TAS2R1: variants seen among roughly 807,000 people sequenced by gnomAD.
TAS2R1 encodes the protein taste receptor type 2 member 1.
For synonymous variants in TAS2R1, 141 were observed against 134.2 expected (o/e 1.05, Z -0.35); for missense variants, 370 against 353.4 (o/e 1.05, Z -0.38).
At chr5:9,831,559 C>T in the TAS2R1 span, among the ~76,000 whole-genome samples, 2 of 151,010 alleles carry the variant, frequency 1.3e-5, no homozygotes, top group African/African-American at 2.4e-5. Context: ...GATGCAATTA[C>T]GTTTTTGTTT....
At chr5:9,647,097 A>T (rs1182517597) in intron 2 of TAS2R1, among the ~76,000 whole-genome samples, 3 of 152,146 alleles carry the variant, frequency 2.0e-5, no homozygotes, top group Non-Finnish European at 4.4e-5. Context: ...AGAGGAAATG[A>T]AAAACCATGA....
the TAS2R1 span, among the ~76,000 whole-genome samples, chr5:9,838,384 C>T: frequency 3.9e-3 from 590 of 152,104 alleles, 2 homozygotes; most frequent in Non-Finnish European, 5.6e-3. Flanking sequence ...AATGAAGGAG[C>T]GAATAGAATA....
At chr5:9,852,852 A>ATATAT in the TAS2R1 span, among the ~76,000 whole-genome samples, 6 of 151,164 alleles carry the variant, frequency 4.0e-5, no homozygotes, top group African/African-American at 1.2e-4. Context: ...GAAAAAAAAA[A>ATATAT]ATATATATAT....
chr5:9,814,372 A>C, the TAS2R1 span, among the ~76,000 whole-genome samples: 1 of 152,350 alleles, frequency 6.6e-6, no homozygotes, highest in East Asian at 1.9e-4. Flanking sequence ...CATGGCAAGA[A>C]TGTTCTCTTA....
At chr5:9,717,410 C>T in the TAS2R1 span, among the ~76,000 whole-genome samples, 32 of 152,066 alleles carry the variant, frequency 2.1e-4, no homozygotes, top group East Asian at 2.9e-3. Context: ...TTGGAGGTCT[C>T]GGTGTTATCA....
chr5:9,887,305 T>C, the TAS2R1 span, among the ~76,000 whole-genome samples: 4 of 152,220 alleles, frequency 2.6e-5, no homozygotes, highest in Non-Finnish European at 5.9e-5. Flanking sequence ...TACAACCATA[T>C]TAGTGCAAAG....
the TAS2R1 span, among the ~76,000 whole-genome samples, chr5:9,719,943 A>T: frequency 2.7e-5 from 4 of 149,320 alleles, no homozygotes; most frequent in Admixed American, 6.6e-5. Context: ...AAAAAACAAA[A>T]ACAAAAACAA....
chr5:9,847,009 T>C, the TAS2R1 span, among the ~76,000 whole-genome samples: 146 of 152,320 alleles, frequency 9.6e-4, no homozygotes, highest in African/African-American at 3.4e-3. Context: ...CATGATCTCA[T>C]TACGAACTGT....
chr5:9,886,441 C>G, the TAS2R1 span, among the ~76,000 whole-genome samples: 1 of 148,160 alleles, frequency 6.7e-6, no homozygotes, highest in Non-Finnish European at 1.5e-5. Flanking sequence ...TCCAAGCAAT[C>G]CTGCCTCAGC....
At chr5:9,750,459 G>T in the TAS2R1 span, among the ~76,000 whole-genome samples, 2 of 152,026 alleles carry the variant, frequency 1.3e-5, no homozygotes, top group African/African-American at 4.8e-5. Flanking sequence ...TGAAATCATC[G>T]ACCAGAATTA....
chr5:9,741,577 A>G, the TAS2R1 span, among the ~76,000 whole-genome samples: 2 of 152,180 alleles, frequency 1.3e-5, no homozygotes, highest in Non-Finnish European at 2.9e-5. Flanking sequence ...AATAAAAATG[A>G]GTGGTTTTAT....
chr5:9,680,568 T>C (rs1336625030), intron 1 of TAS2R1, among the ~76,000 whole-genome samples: 1 of 152,178 alleles, frequency 6.6e-6, no homozygotes, highest in Non-Finnish European at 1.5e-5. Flanking sequence ...ACTTTACTTC[T>C]GTGGTCACTC....
At chr5:9,876,353 G>C in the TAS2R1 span, among the ~76,000 whole-genome samples, 1 of 152,134 alleles carries the variant, frequency 6.6e-6, no homozygotes, top group African/African-American at 2.4e-5. Context: ...ACCCAAAGAC[G>C]ATTCCTGAGC....
chr5:9,683,525 G>T (rs908686971), intron 1 of TAS2R1, among the ~76,000 whole-genome samples: 1 of 152,200 alleles, frequency 6.6e-6, no homozygotes, highest in Non-Finnish European at 1.5e-5. Flanking sequence ...GACATGCAAG[G>T]CTTGTTTCCC....
chr5:9,830,746 C>A, the TAS2R1 span, among the ~76,000 whole-genome samples: 1 of 152,110 alleles, frequency 6.6e-6, no homozygotes, highest in Admixed American at 6.6e-5. Context: ...CTCTGCTATC[C>A]CCAACCAATA....
chr5:9,756,371 A>T, the TAS2R1 span, among the ~76,000 whole-genome samples: 1 of 152,232 alleles, frequency 6.6e-6, no homozygotes, highest in African/African-American at 2.4e-5. Flanking sequence ...TAGAGTATAG[A>T]GAATAATTAT....
At chr5:9,714,181 G>A (rs896986868), upstream of TAS2R1, 1 of 152,188 alleles carries the variant, frequency 6.6e-6, no homozygotes, top group African/African-American at 2.4e-5. Flanking sequence ...CCTAAAGACA[G>A]GTTGACTGCT....
intron 2 of TAS2R1, among the ~76,000 whole-genome samples, chr5:9,645,142 C>T (rs371188878): frequency 9.2e-5 from 14 of 152,252 alleles, no homozygotes; most frequent in African/African-American, 2.9e-4. Flanking sequence ...GTGCCAGAGG[C>T]ATTTGGGAAG....
chr5:9,726,528 C>T, the TAS2R1 span, among the ~76,000 whole-genome samples: 505 of 152,254 alleles, frequency 3.3e-3, 1 homozygote, highest in African/African-American at 0.011. Context: ...TCTTTGGGTC[C>T]ACACTGCCTT....
Sources: allele counts gnomAD v4.1 joint callset (sites outside exome capture counted in the v4.1 genomes callset), GRCh38; gene constraint gnomAD v4.1.1; transcripts MANE v1.5; gene names NCBI Gene and HGNC (gene_info 2026-07-23, HGNC 2026-07-21).